The following EXOC4 variants were observed in gnomAD, a reference collection of about 807,000 sequenced individuals.
EXOC4 encodes exocyst complex component 4.
In EXOC4, 71 loss-of-function variants were observed where a neutral mutation model predicts 107.2. That is an observed-to-expected ratio of 0.66 (90% confidence interval 0.55 to 0.81). EXOC4 has a LOEUF of 0.81. EXOC4 is among the 30% of genes least tolerant of loss of function. The probability of loss-of-function intolerance (pLI) is 0.00; values close to 1 mark genes in which losing one functional copy is unlikely to be tolerated. For synonymous variants in EXOC4, 456 were observed against 441.2 expected, an observed-to-expected ratio of 1.03 and a Z score of -0.42; for missense variants, 1,108 against 1,189.6, an observed-to-expected ratio of 0.93 and a Z score of 1.01.
intron 11 of EXOC4, among the ~76,000 whole-genome samples, chr7:133,824,567 T>A (rs1797653895): frequency 6.6e-6 from 1 of 152,190 alleles, no homozygotes; most frequent in African/African-American, 2.4e-5. Context: ...CCATTAAAGC[T>A]AGGGGATTAG....
chr7:133,715,554 A>C (rs1794982650), intron 10 of EXOC4, among the ~76,000 whole-genome samples: 1 of 152,150 alleles, frequency 6.6e-6, no homozygotes, highest in South Asian at 2.1e-4. Flanking sequence ...GTAATATAAA[A>C]AGTTATAGTA....
chr7:133,926,748 G>A (rs1032150671), intron 13 of EXOC4, among the ~76,000 whole-genome samples: 1 of 152,200 alleles, frequency 6.6e-6, no homozygotes, highest in African/African-American at 2.4e-5. Context: ...CCTGAATCAG[G>A]AAGAGAGACT....
intron 1 of EXOC4, among the ~76,000 whole-genome samples, chr7:133,271,188 G>A (rs900396225): frequency 2.0e-5 from 3 of 152,120 alleles, no homozygotes; most frequent in African/African-American, 7.2e-5. Context: ...AAAATGCTGG[G>A]ATTACAGGTA....
intron 7 of EXOC4, among the ~76,000 whole-genome samples, chr7:133,434,800 T>C (rs1190830373): frequency 6.6e-6 from 1 of 152,200 alleles, no homozygotes; most frequent in Non-Finnish European, 1.5e-5. Flanking sequence ...AATCCATATG[T>C]CTCTTTGTTT....
At chr7:133,591,958 T>C (rs145835526) in intron 9 of EXOC4, among the ~76,000 whole-genome samples, 4 of 152,330 alleles carry the variant, frequency 2.6e-5, no homozygotes, top group Non-Finnish European at 5.9e-5. Flanking sequence ...TTTTTTCCAC[T>C]CAGTACTCTA....
chr7:133,796,535 G>A (rs1430980921), intron 10 of EXOC4, among the ~76,000 whole-genome samples: 1 of 152,070 alleles, frequency 6.6e-6, no homozygotes, highest in Non-Finnish European at 1.5e-5. Context: ...CGAGGTGGGC[G>A]GATCACAAGG....
At chr7:133,920,131 G>T (rs1172213553) in intron 13 of EXOC4, among the ~76,000 whole-genome samples, 1 of 152,178 alleles carries the variant, frequency 6.6e-6, no homozygotes. Flanking sequence ...ATTTCCTAAT[G>T]ACATGTGATG....
intron 10 of EXOC4, among the ~76,000 whole-genome samples, chr7:133,755,314 TATATATATATA>T (rs1562984276): frequency 1.5e-4 from 16 of 105,730 alleles, no homozygotes; most frequent in African/African-American, 3.6e-4. Flanking sequence ...ATATATATAT[TATATATATATA>T]ATATATATAT....
chr7:133,821,781 T>C (rs567244846), intron 11 of EXOC4, among the ~76,000 whole-genome samples: 4 of 152,282 alleles, frequency 2.6e-5, no homozygotes, highest in South Asian at 2.1e-4. Context: ...AGTGCAGATA[T>C]GTGTTACAGT....
intron 10 of EXOC4, among the ~76,000 whole-genome samples, chr7:133,757,432 G>T (rs1320850873): frequency 6.6e-6 from 1 of 152,222 alleles, no homozygotes; most frequent in African/African-American, 2.4e-5. Flanking sequence ...TTCAGCTTTG[G>T]AAGTGTCCAG....
chr7:133,802,991 G>C (rs1796985046), intron 10 of EXOC4, among the ~76,000 whole-genome samples: 1 of 151,998 alleles, frequency 6.6e-6, no homozygotes, highest in Non-Finnish European at 1.5e-5. Context: ...ACATTAATAA[G>C]TGTGAATGCA....
chr7:133,496,121 A>G (rs975624175), intron 9 of EXOC4, among the ~76,000 whole-genome samples: 4 of 151,930 alleles, frequency 2.6e-5, no homozygotes, highest in African/African-American at 7.3e-5. Flanking sequence ...CTGCCAATTT[A>G]CTGATTTACA....
chr7:133,474,132 T>C (rs1798951849), intron 7 of EXOC4, among the ~76,000 whole-genome samples: 1 of 152,310 alleles, frequency 6.6e-6, no homozygotes, highest in Non-Finnish European at 1.5e-5. Context: ...TGTTTTCTAG[T>C]TGTTTTATAA....
intron 9 of EXOC4, among the ~76,000 whole-genome samples, chr7:133,511,603 A>G (rs1799770205): frequency 6.6e-6 from 1 of 152,098 alleles, no homozygotes; most frequent in Non-Finnish European, 1.5e-5. Context: ...GCTCAAAATC[A>G]TCCTTATTCC....
chr7:133,516,210 A>G (rs1035787316), intron 9 of EXOC4, among the ~76,000 whole-genome samples: 15 of 152,202 alleles, frequency 9.9e-5, no homozygotes, highest in South Asian at 2.1e-4. Context: ...AATACAATTC[A>G]CATACCATAC....
At chr7:133,719,485 C>T (rs538451044) in intron 10 of EXOC4, among the ~76,000 whole-genome samples, 1 of 151,476 alleles carries the variant, frequency 6.6e-6, no homozygotes, top group South Asian at 2.1e-4. Flanking sequence ...TCCAGGAAGC[C>T]ATGGATTTGA....
intron 9 of EXOC4, among the ~76,000 whole-genome samples, chr7:133,515,291 C>G (rs1799850648): frequency 6.6e-6 from 1 of 151,632 alleles, no homozygotes. Context: ...TGTATATCTT[C>G]CAACCATGGA....
chr7:134,091,834 G>A, the EXOC4 span, among the ~76,000 whole-genome samples: 1 of 152,158 alleles, frequency 6.6e-6, no homozygotes, highest in Non-Finnish European at 1.5e-5. Context: ...AAGGCAGAGA[G>A]CAGGGGCAGA....
intron 7 of EXOC4, among the ~76,000 whole-genome samples, chr7:133,393,211 A>G (rs563866621): frequency 2.0e-5 from 3 of 152,222 alleles, no homozygotes; most frequent in African/African-American, 7.2e-5. Flanking sequence ...CTCATTTGAC[A>G]TATCTAATAG....
Sources: gnomAD v4.1 joint callset for allele counts (sites outside exome capture counted in the v4.1 genomes callset) on GRCh38, gnomAD v4.1.1 for gene constraint, MANE v1.5 for transcripts, NCBI Gene and HGNC (gene_info 2026-07-23, HGNC 2026-07-21) for gene names.